The following CAMTA1 variants were observed in gnomAD, a reference collection of about 807,000 sequenced individuals.
CAMTA1 encodes calmodulin-binding transcription activator 1.
In CAMTA1, 27 loss-of-function variants were observed where a neutral mutation model predicts 170.9. The ratio of observed to expected loss-of-function variants is 0.16; its 90% CI spans 0.12 to 0.22. The LOEUF (loss-of-function observed/expected upper bound fraction) is 0.22. Ranked by LOEUF, CAMTA1 falls within the 10% of genes least tolerant of loss-of-function variation. The pLI, the probability that CAMTA1 is intolerant of heterozygous loss-of-function variation, is 1.00. For missense variants in CAMTA1, 1,619 were observed against 2,217.2 expected, an observed-to-expected ratio of 0.73 and a Z score of 5.42; for synonymous variants, 833 against 891.5, an observed-to-expected ratio of 0.93 and a Z score of 1.17.
At chr1:7,546,200 C>A (rs1172374287) in intron 6 of CAMTA1, among the ~76,000 whole-genome samples, 1 of 152,154 alleles carries the variant, frequency 6.6e-6, no homozygotes, top group Non-Finnish European at 1.5e-5. Context: ...TCGTGATCCA[C>A]CCACCTCAGC....
chr1:7,150,914 G>A (rs17030384), intron 4 of CAMTA1, among the ~76,000 whole-genome samples: 9,324 of 152,268 alleles, frequency 0.061, 328 homozygotes, highest in East Asian at 0.14. Flanking sequence ...AGTAAAGAAG[G>A]CAGGCGCAGA....
intron 4 of CAMTA1, among the ~76,000 whole-genome samples, chr1:7,109,417 A>G (rs1393712988): frequency 6.6e-6 from 1 of 152,210 alleles, no homozygotes; most frequent in African/African-American, 2.4e-5. Context: ...TGGGCAAAGC[A>G]TTCTTGCCTT....
At chr1:7,143,826 C>T (rs546780957) in intron 4 of CAMTA1, among the ~76,000 whole-genome samples, 16 of 152,234 alleles carry the variant, frequency 1.1e-4, no homozygotes, top group African/African-American at 2.4e-4. Flanking sequence ...ATTGTATGAA[C>T]GCATATAAAG....
At position 7,116,740 on chromosome 1, in the gene CAMTA1, C is replaced by T. The variant is rs571119393; in HGVS notation, c.302+25369C>T. On this transcript the variant is annotated intron_variant, in intron 4 of 22. Coordinates refer to ENST00000303635, the MANE Select transcript of CAMTA1 (RefSeq NM_015215.4). Reference sequence around the variant, plus strand: ...TCGGCTCACTGCAAGCTCCGCCTTCCGGGTTCACGCCATTCTTCTGCCTCA... The same window carrying T: ...TCGGCTCACTGCAAGCTCCGCCTTCTGGGTTCACGCCATTCTTCTGCCTCA... 6.9e-3 allele frequency among the ~76,000 whole-genome samples: 1,042 copies of T among 151,530 alleles called. 6 individuals carry two copies. The highest frequency in any genetic ancestry group is 0.017 in the Middle Eastern group (5 of 294).
chr1:7,591,450 A>C (rs2150484587), intron 6 of CAMTA1, among the ~76,000 whole-genome samples: 1 of 152,362 alleles, frequency 6.6e-6, no homozygotes, highest in South Asian at 2.1e-4. Context: ...GAATTTGTTA[A>C]CAGACTGTTA....
rs190668117 is a variant in CAMTA1 at position 6,887,617 on chromosome 1, C to T, written c.234+62407C>T. 4.1e-4 allele frequency: 627 copies of T among 1,530,884 alleles called. 2 individuals are homozygous for T. The African/African-American group carries it at 7.1e-3, about 17-fold the overall frequency. 94.8% of individuals were successfully genotyped at this position (1,530,884 alleles called of 1,614,324 possible). A position where few individuals can be genotyped will look rare whatever the true frequency, so the allele number is the denominator to read the frequency against. On this transcript the variant is annotated intron_variant, in intron 3 of 22. Transcript: ENST00000303635. The surrounding 1 kb of genome is among the most constrained non-coding windows in gnomAD (Gnocchi z 4.1). The stretch of plus-strand genomic sequence containing the variant: ...CTTCAGTTAAAAACAGAAATAGAAG[C>T]GACGGTTTTGACCCATTTTACACCT...
intron 5 of CAMTA1, among the ~76,000 whole-genome samples, chr1:7,399,476 C>T (rs2089717341): frequency 6.6e-6 from 1 of 152,180 alleles, no homozygotes; most frequent in African/African-American, 2.4e-5. Context: ...CAAAAATGGA[C>T]TAAGGCACCT....
intron 5 of CAMTA1, among the ~76,000 whole-genome samples, chr1:7,373,439 A>T (rs1268426689): frequency 6.6e-6 from 1 of 152,164 alleles, no homozygotes; most frequent in East Asian, 1.9e-4. Context: ...CTGTGCGCAG[A>T]TGGGTGGGAG....
chr1:6,874,061 C>T (rs1338990161), intron 3 of CAMTA1: 1 of 152,252 alleles, frequency 6.6e-6, no homozygotes, highest in Non-Finnish European at 1.5e-5. Flanking sequence ...GATGCTACTT[C>T]TGTTTTATCC....
intron 4 of CAMTA1, among the ~76,000 whole-genome samples, chr1:7,118,377 C>T (rs1220951419): frequency 1.3e-5 from 2 of 149,206 alleles, no homozygotes; most frequent in Admixed American, 6.7e-5. Context: ...ACTGCAACCT[C>T]GATCTCCTGG....
intron 5 of CAMTA1, among the ~76,000 whole-genome samples, chr1:7,438,215 C>T (rs1193225): frequency 0.28 from 42,362 of 151,890 alleles, 6,411 homozygotes; most frequent in South Asian, 0.39. Context: ...CTGGGCAGGG[C>T]CTGGGTAGGT....
intron 11 of CAMTA1, chr1:7,698,217 A>C (rs764855863): frequency 6.6e-6 from 1 of 152,194 alleles, no homozygotes; most frequent in African/African-American, 2.4e-5. Flanking sequence ...GCCACAGCAG[A>C]AGAAGAAGAA....
At chr1:6,840,671 G>A (rs951592279) in intron 3 of CAMTA1, among the ~76,000 whole-genome samples, 4 of 152,130 alleles carry the variant, frequency 2.6e-5, no homozygotes, top group Non-Finnish European at 5.9e-5. Context: ...TTGGAGAGCC[G>A]TCAATGCGCA....
chr1:7,048,987 G>C (rs1479156041), intron 3 of CAMTA1, among the ~76,000 whole-genome samples: 1 of 152,186 alleles, frequency 6.6e-6, no homozygotes, highest in Non-Finnish European at 1.5e-5. Flanking sequence ...AATCTCCCCA[G>C]ACTCAGGCCG....
In CAMTA1 at chr1:7,456,145, C is replaced by A. The variant is rs1055345973; in HGVS notation, c.439-11685C>A. ...GTGAAGGGTGAGGGGGTACCCATAA[C>A]AGAGGGATGGAGGAAGGGAGGGAGG... On this transcript the variant is annotated intron_variant, in intron 5 of 22. Coordinates refer to ENST00000303635, the MANE Select transcript of CAMTA1 (RefSeq NM_015215.4). This position sits in a 1 kb window ranked among gnomAD's most constrained non-coding sequence, Gnocchi z 4.9. 1.4e-5 allele frequency among the ~76,000 whole-genome samples: 2 copies of A among 143,052 alleles called. No homozygotes were observed. The highest frequency in any genetic ancestry group is 3.0e-5 in the Non-Finnish European group (2 of 66,494). 93.8% of individuals were successfully genotyped at this position (143,052 alleles called of 152,430 possible).
chr1:7,140,556 C>T (rs1645830708), intron 4 of CAMTA1, among the ~76,000 whole-genome samples: 1 of 152,112 alleles, frequency 6.6e-6, no homozygotes, highest in African/African-American at 2.4e-5. Flanking sequence ...GAATAAGCAA[C>T]TGGGTCTCAA....
At chr1:7,229,606 G>T (rs1469059855) in intron 4 of CAMTA1, among the ~76,000 whole-genome samples, 1 of 138,740 alleles carries the variant, frequency 7.2e-6, no homozygotes. Context: ...CAGGAGGAGG[G>T]GAGGCTAGGA....
At chr1:7,538,007 A>G (rs1557880618) in intron 6 of CAMTA1, among the ~76,000 whole-genome samples, 1 of 152,072 alleles carries the variant, frequency 6.6e-6, no homozygotes, top group East Asian at 1.9e-4. Context: ...TCTGTTCTTC[A>G]TGGGCCCCTG....
intron 6 of CAMTA1, among the ~76,000 whole-genome samples, chr1:7,624,106 C>G (rs1002884782): frequency 6.6e-6 from 1 of 152,212 alleles, no homozygotes; most frequent in East Asian, 1.9e-4. Flanking sequence ...GGCCCTCAGC[C>G]CAGCTTCTGT....
Sources: allele counts gnomAD v4.1 joint callset (sites outside exome capture counted in the v4.1 genomes callset), GRCh38; gene constraint gnomAD v4.1.1; non-coding constraint Gnocchi (gnomAD v3.1); transcripts MANE v1.5; gene names NCBI Gene and HGNC (gene_info 2026-07-23, HGNC 2026-07-21).